GUCY1A1: variants seen among roughly 807,000 people sequenced by gnomAD.
GUCY1A1 encodes guanylate cyclase soluble subunit alpha-1.
GUCY1A1 carries 48 observed loss-of-function variants against 64.5 expected under a neutral mutation model. That is an observed-to-expected ratio of 0.74 (90% CI 0.59 to 0.95). GUCY1A1 has a LOEUF of 0.95. GUCY1A1 is among the 40% of genes least tolerant of loss of function. GUCY1A1 has a pLI of 0.00. For missense variants in GUCY1A1, 804 were observed against 825.3 expected (o/e 0.97, Z 0.32); for synonymous variants, 308 against 303.4 (o/e 1.02, Z -0.16).
chr4:155,679,596 AG>A (rs202156397), intron 2 of GUCY1A1, among the ~76,000 whole-genome samples: 1,564 of 152,342 alleles, frequency 0.01, 14 homozygotes, highest in Non-Finnish European at 0.015. Flanking sequence ...GGCTATCGTG[AG>A]AACGGTGCCA....
At chr4:155,726,716 T>C (rs1467615956) in intron 9 of GUCY1A1, among the ~76,000 whole-genome samples, 1 of 152,006 alleles carries the variant, frequency 6.6e-6, no homozygotes, top group Non-Finnish European at 1.5e-5. Context: ...ATGACAGTTA[T>C]ACACTCCTGT....
intron 2 of GUCY1A1, among the ~76,000 whole-genome samples, chr4:155,682,442 T>C (rs1049296822): frequency 1.3e-4 from 20 of 152,276 alleles, no homozygotes; most frequent in African/African-American, 4.1e-4. Flanking sequence ...TTTGGGAGGC[T>C]GAGCGGGGCG....
At chr4:155,688,644 G>A (rs2340990) in intron 2 of GUCY1A1, among the ~76,000 whole-genome samples, 147,824 of 152,274 alleles carry the variant, frequency 0.97, 71,911 homozygotes, top group East Asian at 1. Flanking sequence ...ATTAGTGTAG[G>A]AGTATTTCTG....
At position 155,723,942 on chromosome 4, in the gene GUCY1A1, G is replaced by A. The variant is rs115189674; in HGVS notation, c.1871+1750G>A. ...CCTCCCAAAGTGTAGGATTACAGGC[G>A]TGAGCCAATGCACCTGGTCTTCTCC... On this transcript the variant is annotated intron_variant, in intron 9 of 9. Transcript: ENST00000506455. Among the ~76,000 whole-genome samples the A allele has an allele frequency of 9.4e-3, 1,436 of 152,192 alleles. 20 individuals are homozygous for A. Among genetic ancestry groups the A allele is most frequent in the African/African-American group, 0.031 (1,295 of 41,546 alleles).
chr4:155,677,207 G>T (rs1209679557), intron 2 of GUCY1A1, among the ~76,000 whole-genome samples: 1 of 152,210 alleles, frequency 6.6e-6, no homozygotes, highest in Non-Finnish European at 1.5e-5. Context: ...ATTAGTTGAT[G>T]AAAGATTCTA....
chr4:155,729,883 G>A, intron 9 of GUCY1A1, 147 bp from the exon 10 acceptor site: 1 of 574,474 alleles, frequency 1.7e-6, no homozygotes, highest in Admixed American at 3.1e-5. Flanking sequence ...CTGGGAAGAT[G>A]TCTGTTAATC....
intron 2 of GUCY1A1, among the ~76,000 whole-genome samples, 161 bp from the exon 3 acceptor site, chr4:155,696,595 A>C (rs1477375165): frequency 6.6e-6 from 1 of 152,226 alleles, no homozygotes; most frequent in Non-Finnish European, 1.5e-5. Context: ...TTAAGTAAAG[A>C]TCTTTGCCAA....
At chr4:155,683,927 C>T (rs1387943892) in intron 2 of GUCY1A1, among the ~76,000 whole-genome samples, 1 of 152,110 alleles carries the variant, frequency 6.6e-6, no homozygotes, top group Non-Finnish European at 1.5e-5. Context: ...TAGAGGAGGT[C>T]ATCAGGGTAT....
At chr4:155,692,063 G>A (rs1230673293) in intron 2 of GUCY1A1, among the ~76,000 whole-genome samples, 1 of 152,110 alleles carries the variant, frequency 6.6e-6, no homozygotes, top group Non-Finnish European at 1.5e-5. Flanking sequence ...TTCTGTTCCT[G>A]GGTTAGTTTG....
In GUCY1A1 at chr4:155,717,277, T is replaced by C; in HGVS notation, c.1691T>C (p.Met564Thr). 3 of 1,594,668 alleles carry C rather than the reference T, an allele frequency of 1.9e-6. No individual in the cohort carries two copies. The highest frequency in any genetic ancestry group is 1.7e-6 in the Non-Finnish European group (2 of 1,168,726). Reference sequence around the variant, plus strand: ...ATGATGGAGCTCTCTGATGAAGTTATGTCTCCCCATGGAGAACCTATCAAG... The same window carrying C: ...ATGATGGAGCTCTCTGATGAAGTTACGTCTCCCCATGGAGAACCTATCAAG... ...LKMMELSDEV[M>T]SPHGEPIKMR... The change falls in exon 8 of 10, where the codon ATG becomes ACG. Residue 564 changes from methionine to threonine, a missense_variant. Met to Thr is a moderately conservative substitution (Grantham distance 81). Coordinates refer to ENST00000506455, the MANE Select transcript of GUCY1A1 (RefSeq NM_001130682.3).
chr4:155,683,088 C>T (rs1401543889), intron 2 of GUCY1A1, among the ~76,000 whole-genome samples: 2 of 152,024 alleles, frequency 1.3e-5, no homozygotes, highest in Non-Finnish European at 2.9e-5. Flanking sequence ...TTTCATTTAG[C>T]TGATTTCACA....
chr4:155,710,433 A>G (rs974736695), intron 5 of GUCY1A1, 109 bp from the exon 6 acceptor site: 1 of 685,870 alleles, frequency 1.5e-6, no homozygotes, highest in Non-Finnish European at 2.6e-6. Flanking sequence ...ATTAGCAGAT[A>G]TAAAGGGAGC....
chr4:155,728,724 G>C (rs72972464), intron 9 of GUCY1A1, among the ~76,000 whole-genome samples: 1 of 151,812 alleles, frequency 6.6e-6, no homozygotes, highest in East Asian at 1.9e-4. Flanking sequence ...GGTGTGGTGT[G>C]ATTTCTAATT....
intron 2 of GUCY1A1, among the ~76,000 whole-genome samples, chr4:155,674,501 C>G (rs1391052790): frequency 1.3e-5 from 2 of 151,480 alleles, no homozygotes; most frequent in African/African-American, 4.9e-5. Context: ...AGTCCAGCAT[C>G]TTCGTTCTTT....
In GUCY1A1 at chr4:155,733,468, A is replaced by G. The variant is rs566232046; in HGVS notation, c.*3237A>G. 6.6e-6 allele frequency among the ~76,000 whole-genome samples: 1 copy of G among 151,818 alleles called. No individual in the cohort carries two copies. Among genetic ancestry groups the G allele is most frequent in the African/African-American group, 2.4e-5 (1 of 41,478 alleles). On this transcript the variant is annotated 3_prime_UTR_variant, in exon 10 of 10. Transcript: ENST00000506455. Reference sequence around the variant, plus strand: ...ATCTGGGCAAAAATCACGAAGGGGTATGTGTGTCATGTAAAGGTGTGCCAT... The same window carrying G: ...ATCTGGGCAAAAATCACGAAGGGGTGTGTGTGTCATGTAAAGGTGTGCCAT...
chr4:155,675,747 A>G (rs753073796), intron 2 of GUCY1A1, among the ~76,000 whole-genome samples: 9 of 151,604 alleles, frequency 5.9e-5, no homozygotes, highest in Non-Finnish European at 1.0e-4. Context: ...CCCTGATAAG[A>G]GTTTATACTT....
intron 7 of GUCY1A1, among the ~76,000 whole-genome samples, chr4:155,716,462 G>A (rs1289430618): frequency 6.6e-6 from 1 of 152,084 alleles, no homozygotes; most frequent in Non-Finnish European, 1.5e-5. Context: ...TGCCTGTAAC[G>A]ACAACAATAA....
chr4:155,703,344 G>A (rs72972416), intron 3 of GUCY1A1, among the ~76,000 whole-genome samples: 4,525 of 152,222 alleles, frequency 0.03, 232 homozygotes, highest in African/African-American at 0.1. Flanking sequence ...AACTAACTTT[G>A]GTGACAGATT....
intron 2 of GUCY1A1, among the ~76,000 whole-genome samples, chr4:155,683,141 G>A (rs1226240043): frequency 6.6e-6 from 1 of 151,974 alleles, no homozygotes; most frequent in Non-Finnish European, 1.5e-5. Flanking sequence ...GAGCATTGTT[G>A]ATTTCTTTAT....
Sources: allele counts gnomAD v4.1 joint callset (sites outside exome capture counted in the v4.1 genomes callset), GRCh38; gene constraint gnomAD v4.1.1; transcripts MANE v1.5; gene names NCBI Gene and HGNC (gene_info 2026-07-23, HGNC 2026-07-21).